The following RMDN2 variants were observed in gnomAD, a reference collection of about 807,000 sequenced individuals.
RMDN2 encodes the protein regulator of microtubule dynamics protein 2.
In RMDN2, 61 loss-of-function variants were observed where a neutral mutation model predicts 52.8. The observed-to-expected ratio is 1.16, with a 90% CI of 0.94 to 1.43. RMDN2 has a LOEUF of 1.43. Ranked by LOEUF, RMDN2 falls within the 40% of genes most tolerant of loss-of-function variation. The pLI, the probability that RMDN2 is intolerant of heterozygous loss-of-function variation, is 0.00. For missense variants in RMDN2, 592 were observed against 475.3 expected (o/e 1.25, Z -2.28); for synonymous variants, 180 against 153.1 (o/e 1.18, Z -1.30).
At chr2:38,035,718 G>A (rs149951263) in intron 10 of RMDN2, among the ~76,000 whole-genome samples, 1 of 152,164 alleles carries the variant, frequency 6.6e-6, no homozygotes, top group Non-Finnish European at 1.5e-5. Context: ...GATAGGATAG[G>A]CTATGAATTA....
At chr2:38,005,553 GT>G (rs1353926499) in intron 10 of RMDN2, among the ~76,000 whole-genome samples, 2 of 151,988 alleles carry the variant, frequency 1.3e-5, no homozygotes, top group Admixed American at 6.6e-5. Flanking sequence ...GGGGTTGTTT[GT>G]TTTTTTCTTG....
rs1383384094 is a variant in RMDN2 at position 37,951,164 on chromosome 2, A to C, written c.452+21435A>C. 5.7e-6 allele frequency: 8 copies of C among 1,415,668 alleles called. No individual in the cohort carries two copies. The African/African-American group carries it at 1.1e-4, about 20-fold the overall frequency. 87.7% of individuals were successfully genotyped at this position (1,415,668 alleles called of 1,614,324 possible). On this transcript the variant is annotated intron_variant, in intron 2 of 10. Transcript: ENST00000354545. ...CACCAAAAGGTGGATATTATTCTTC[A>C]GGAGGCTTGGCAGGTCTCCACTCTG...
upstream of RMDN2, among the ~76,000 whole-genome samples, chr2:37,924,235 T>C (rs1405092292): frequency 6.6e-6 from 1 of 152,198 alleles, no homozygotes; most frequent in East Asian, 1.9e-4. Context: ...TTGTCTGCTG[T>C]TGCTGTTTTG....
chr2:38,016,124 A>C (rs554464655), intron 10 of RMDN2, among the ~76,000 whole-genome samples: 1 of 152,262 alleles, frequency 6.6e-6, no homozygotes, highest in African/African-American at 2.4e-5. Context: ...AGAGTAACAC[A>C]CTGTATCAGT....
chr2:37,997,611 C>T (rs1396381455), intron 8 of RMDN2, 97 bp downstream of exon 8: 1 of 810,184 alleles, frequency 1.2e-6, no homozygotes, highest in Non-Finnish European at 2.1e-6. Flanking sequence ...CCATGTGGAG[C>T]CTCAGTTTGA....
At position 38,017,675 on chromosome 2, in the gene RMDN2, A is replaced by G. The variant is rs11901988; in HGVS notation, c.*436A>G. On this transcript the variant is annotated 3_prime_UTR_variant, in exon 11 of 11. Coordinates refer to ENST00000354545, the MANE Select transcript of RMDN2 (RefSeq NM_001170791.3). Reference sequence around the variant, plus strand: ...GTTGGCAGAAGAGGAAAAACAAACAAATGTAGTATTGTAACTGGTAATCAA... The same window carrying G: ...GTTGGCAGAAGAGGAAAAACAAACAGATGTAGTATTGTAACTGGTAATCAA... 1.6e-6 allele frequency: 1 copy of G among 625,192 alleles called. No individual in the cohort carries two copies. Among genetic ancestry groups the G allele is most frequent in the Non-Finnish European group, 2.4e-6 (1 of 408,252 alleles). The allele number at this position is 625,192 out of a possible 1,614,324, so 38.7% of individuals were successfully genotyped here.
chr2:38,005,934 TC>T (rs889373878), intron 10 of RMDN2, among the ~76,000 whole-genome samples: 16 of 152,242 alleles, frequency 1.1e-4, no homozygotes, highest in Non-Finnish European at 2.2e-4. Flanking sequence ...TAGCCAGTTT[TC>T]CCAGCACCAT....
chr2:38,025,526 G>A (rs1024984421), intron 10 of RMDN2, among the ~76,000 whole-genome samples: 2 of 152,054 alleles, frequency 1.3e-5, no homozygotes, highest in African/African-American at 4.8e-5. Context: ...ATAGAAGAGG[G>A]CAAGCGTTCT....
At chr2:37,971,355 C>T (rs557856631) in intron 2 of RMDN2, among the ~76,000 whole-genome samples, 10 of 152,146 alleles carry the variant, frequency 6.6e-5, no homozygotes, top group African/African-American at 2.4e-4. Context: ...GCTAAACTGT[C>T]TTGGCACTCT....
rs1018161745 is a variant in RMDN2, at chr2:38,010,486, C to G, written c.1179+6270C>G. Among the ~76,000 whole-genome samples the G allele has an allele frequency of 2.6e-4, 40 of 152,190 alleles. 1 individual carries two copies. The highest frequency in any genetic ancestry group is 1.3e-4 in the Non-Finnish European group (9 of 68,032). ...TGCTGTGCTAGCAATGAGCAAGGCTCCATGGGCATAGGACCCTCCGAGCCA... is the reference window on the plus strand; with the variant it reads ...TGCTGTGCTAGCAATGAGCAAGGCTGCATGGGCATAGGACCCTCCGAGCCA... On this transcript the variant is annotated intron_variant, in intron 10 of 10. Coordinates refer to ENST00000354545, the MANE Select transcript of RMDN2 (RefSeq NM_001170791.3).
intron 2 of RMDN2, among the ~76,000 whole-genome samples, chr2:37,933,986 G>A (rs1304378512): frequency 6.6e-6 from 1 of 152,138 alleles, no homozygotes; most frequent in Non-Finnish European, 1.5e-5. Context: ...CCATGGGGAG[G>A]AAGAGTCATC....
At chr2:37,932,570 C>T (rs1257031514) in intron 2 of RMDN2, among the ~76,000 whole-genome samples, 1 of 151,794 alleles carries the variant, frequency 6.6e-6, no homozygotes, top group Non-Finnish European at 1.5e-5. Context: ...TCTCAATGAG[C>T]TGTTGGGTAC....
rs181520134 is a variant in RMDN2, at chr2:37,988,153, C to T, written c.792-1388C>T. On this transcript the variant is annotated intron_variant, in intron 5 of 10. Coordinates refer to ENST00000354545, the MANE Select transcript of RMDN2 (RefSeq NM_001170791.3). ...ACTTTCTGCTCAGTTTTGCTGAGAA[C>T]CTAAAAGTGCTCCAAAACATAGTTT... is the stretch of plus-strand genomic sequence containing the variant. Among the ~76,000 whole-genome samples the T allele has an allele frequency of 1.0e-3, 155 of 152,220 alleles. 3 individuals carry two copies. The highest frequency in any genetic ancestry group is 8.1e-3 in the South Asian group (39 of 4,814).
chr2:37,943,234 C>T (rs1667950674), intron 2 of RMDN2, among the ~76,000 whole-genome samples: 1 of 152,200 alleles, frequency 6.6e-6, no homozygotes. Context: ...ACAGAACTTT[C>T]TGGAACCAGT....
chr2:38,047,658 A>G (rs1055313101), intron 10 of RMDN2, among the ~76,000 whole-genome samples: 2 of 152,184 alleles, frequency 1.3e-5, no homozygotes, highest in Non-Finnish European at 2.9e-5. Context: ...ACTTTGTTAA[A>G]TGTATTCCTA....
chr2:37,977,613 C>T (rs1448507943), intron 4 of RMDN2, among the ~76,000 whole-genome samples: 2 of 151,630 alleles, frequency 1.3e-5, no homozygotes, highest in African/African-American at 4.9e-5. Context: ...GACCGGGCGG[C>T]CGCTCAGAGA....
At chr2:37,976,810 C>A (rs1320565675) in intron 4 of RMDN2, among the ~76,000 whole-genome samples, 1 of 151,788 alleles carries the variant, frequency 6.6e-6, no homozygotes, top group Non-Finnish European at 1.5e-5. Flanking sequence ...AGTGTTCCAA[C>A]ATTCATCAAT....
chr2:38,030,743 A>G (rs1680138897), intron 10 of RMDN2: 1 of 152,110 alleles, frequency 6.6e-6, no homozygotes, highest in Admixed American at 6.5e-5. Flanking sequence ...AAAGTGGTAC[A>G]AAGGTTAGAT....
intron 4 of RMDN2, among the ~76,000 whole-genome samples, chr2:37,980,424 C>T (rs927041992): frequency 6.6e-6 from 1 of 152,108 alleles, no homozygotes; most frequent in Non-Finnish European, 1.5e-5. Flanking sequence ...CTGCCTCAGC[C>T]TCCTGAGTAG....
Sources: gnomAD v4.1 joint callset for allele counts (sites outside exome capture counted in the v4.1 genomes callset) on GRCh38, gnomAD v4.1.1 for gene constraint, MANE v1.5 for transcripts, NCBI Gene and HGNC (gene_info 2026-07-23, HGNC 2026-07-21) for gene names.